SGCZ: variants seen among roughly 807,000 people sequenced by gnomAD.
SGCZ encodes the protein sarcoglycan zeta, also known as zeta-sarcoglycan.
A neutral mutation model predicts 41.3 loss-of-function variants in SGCZ; 40 were observed. The ratio of observed to expected loss-of-function variants is 0.97; its 90% CI spans 0.75 to 1.26. The LOEUF (loss-of-function observed/expected upper bound fraction) is 1.26, where lower values mean the gene tolerates loss of function less well. Ranked by LOEUF, SGCZ falls within the 50% of genes most tolerant of loss-of-function variation. The pLI is 0.00. For missense variants in SGCZ, 552 were observed against 369.8 expected (o/e 1.49, Z -4.04); for synonymous variants, 206 against 137.5 (o/e 1.50, Z -3.49).
intron 1 of SGCZ, among the ~76,000 whole-genome samples, chr8:14,668,025 C>T (rs1050263242): frequency 6.6e-6 from 1 of 152,088 alleles, no homozygotes; most frequent in Admixed American, 6.5e-5. Flanking sequence ...GGCACAATCC[C>T]GGCTCACTGC....
intron 1 of SGCZ, among the ~76,000 whole-genome samples, chr8:14,850,988 T>C (rs1478004479): frequency 2.0e-5 from 3 of 152,304 alleles, no homozygotes; most frequent in Non-Finnish European, 2.9e-5. Flanking sequence ...CAATTCTTCA[T>C]AGCTGTATGA....
intron 2 of SGCZ, 122 bp from the exon 3 acceptor site, chr8:14,324,326 G>T: frequency 4.2e-6 from 3 of 717,332 alleles, no homozygotes; most frequent in East Asian, 2.6e-5. Context: ...TAAGGAAAAT[G>T]AGAGATTGAA....
In SGCZ at chr8:14,403,156, C is replaced by G. The variant is rs552266087; in HGVS notation, c.235-78952G>C. Among the ~76,000 whole-genome samples, 2 of 150,288 alleles carry G rather than the reference C, an allele frequency of 1.3e-5. 1 individual carries two copies. Among genetic ancestry groups the G allele is most frequent in the African/African-American group, 5.0e-5 (2 of 39,646 alleles). On this transcript the variant is annotated intron_variant, in intron 2 of 7. Transcript: ENST00000382080. Reference sequence around the variant, plus strand: ...ATTGATTTTGTATCCCGAGACTTTGCTGAAGTTGCTTATCAGCTTAAGGAG... The same window carrying G: ...ATTGATTTTGTATCCCGAGACTTTGGTGAAGTTGCTTATCAGCTTAAGGAG...
intron 5 of SGCZ, among the ~76,000 whole-genome samples, chr8:14,121,786 A>ATAACTCATTTAATTTTT (rs1802704228): frequency 6.6e-6 from 1 of 152,214 alleles, no homozygotes; most frequent in Non-Finnish European, 1.5e-5. Flanking sequence ...ATGACGTTAA[A>ATAACTCATTTAATTTTT]TAACTCATTT....
At chr8:14,107,627 G>C (rs1474450339) in intron 6 of SGCZ, among the ~76,000 whole-genome samples, 1 of 151,420 alleles carries the variant, frequency 6.6e-6, no homozygotes, top group African/African-American at 2.4e-5. Context: ...TCCTTTTTTT[G>C]TTTTTGTATT....
intron 1 of SGCZ, among the ~76,000 whole-genome samples, chr8:15,066,967 A>C (rs539271650): frequency 1.3e-5 from 2 of 152,356 alleles, no homozygotes; most frequent in African/African-American, 2.4e-5. Context: ...AGATTTGCAT[A>C]AGATAGGAAT....
intron 2 of SGCZ, among the ~76,000 whole-genome samples, chr8:14,369,387 C>T (rs1407692580): frequency 1.3e-5 from 2 of 151,778 alleles, no homozygotes; most frequent in Non-Finnish European, 2.9e-5. Context: ...CTGATATATC[C>T]TCATAATAAA....
chr8:15,112,451 C>A (rs1248590345), intron 1 of SGCZ, among the ~76,000 whole-genome samples: 1 of 152,198 alleles, frequency 6.6e-6, no homozygotes, highest in Non-Finnish European at 1.5e-5. Context: ...TAGCTTTGAT[C>A]TTATGCTTTA....
At chr8:15,064,053 C>G (rs1180209079) in intron 1 of SGCZ, among the ~76,000 whole-genome samples, 3 of 152,124 alleles carry the variant, frequency 2.0e-5, no homozygotes, top group Non-Finnish European at 4.4e-5. Context: ...CAGGATATTT[C>G]TTTTGGGTTT....
At chr8:14,725,041 C>T (rs1810006569) in intron 1 of SGCZ, among the ~76,000 whole-genome samples, 1 of 152,130 alleles carries the variant, frequency 6.6e-6, no homozygotes, top group South Asian at 2.1e-4. Context: ...TCATTCTACT[C>T]TCTATCTCCA....
At chr8:14,379,298 C>A (rs904146745) in intron 2 of SGCZ, among the ~76,000 whole-genome samples, 15 of 152,128 alleles carry the variant, frequency 9.9e-5, no homozygotes, top group African/African-American at 3.6e-4. Context: ...ATAAAACTAA[C>A]TTACGTAAGT....
At chr8:14,208,102 C>T (rs1310105144) in intron 4 of SGCZ, among the ~76,000 whole-genome samples, 5 of 152,162 alleles carry the variant, frequency 3.3e-5, no homozygotes, top group African/African-American at 1.2e-4. Flanking sequence ...ACTCAATGTA[C>T]TTCCTACTAA....
chr8:14,924,386 T>C (rs1372602794), intron 1 of SGCZ, among the ~76,000 whole-genome samples: 1 of 152,190 alleles, frequency 6.6e-6, no homozygotes, highest in African/African-American at 2.4e-5. Flanking sequence ...TACATGACAC[T>C]AGAGATGAAA....
intron 1 of SGCZ, among the ~76,000 whole-genome samples, chr8:15,204,359 T>A (rs1250470859): frequency 2.0e-5 from 3 of 152,310 alleles, no homozygotes; most frequent in Non-Finnish European, 4.4e-5. Flanking sequence ...AGGAAAGACA[T>A]GAATTAAAGG....
intron 1 of SGCZ, among the ~76,000 whole-genome samples, chr8:15,209,876 C>A (rs549643437): frequency 9.8e-4 from 149 of 152,250 alleles, no homozygotes; most frequent in African/African-American, 3.5e-3. Context: ...GGGGCTTCTC[C>A]AACTTTGCCA....
At chr8:14,642,736 T>G (rs1342945326) in intron 1 of SGCZ, among the ~76,000 whole-genome samples, 1 of 151,534 alleles carries the variant, frequency 6.6e-6, no homozygotes, top group Non-Finnish European at 1.5e-5. Flanking sequence ...TGGTCAGATT[T>G]ATAGATTTTT....
chr8:15,163,567 C>T (rs1023110917), intron 1 of SGCZ, among the ~76,000 whole-genome samples: 1 of 152,008 alleles, frequency 6.6e-6, no homozygotes, highest in Non-Finnish European at 1.5e-5. Context: ...TATGATTTTA[C>T]TTATCCTATT....
At chr8:14,941,495 T>A (rs77341445) in intron 1 of SGCZ, among the ~76,000 whole-genome samples, 1 of 151,916 alleles carries the variant, frequency 6.6e-6, no homozygotes. Flanking sequence ...ATGGATAGTA[T>A]GTTTATATTT....
At chr8:14,962,604 G>C (rs537899804) in intron 1 of SGCZ, among the ~76,000 whole-genome samples, 48 of 152,158 alleles carry the variant, frequency 3.2e-4, no homozygotes, top group African/African-American at 1.1e-3. Flanking sequence ...TGAAAATATA[G>C]AAAATTCATT....
Sources: gnomAD v4.1 joint callset for allele counts (sites outside exome capture counted in the v4.1 genomes callset) on GRCh38, gnomAD v4.1.1 for gene constraint, MANE v1.5 for transcripts, NCBI Gene and HGNC (gene_info 2026-07-23, HGNC 2026-07-21) for gene names.